Variants in STAG1 observed in about 807,000 individuals in gnomAD.
The protein encoded by STAG1 is cohesin subunit SA-1.
A neutral mutation model predicts 170.9 loss-of-function variants in STAG1; 26 were observed. The ratio of observed to expected loss-of-function variants is 0.15; its 90% CI spans 0.11 to 0.21. STAG1 has a LOEUF of 0.21. STAG1 is among the 10% of genes least tolerant of loss of function. The pLI is 1.00. For missense variants in STAG1, 964 were observed against 1,509.5 expected, an observed-to-expected ratio of 0.64 and a Z score of 5.99; for synonymous variants, 514 against 497.7, an observed-to-expected ratio of 1.03 and a Z score of -0.44.
At chr3:136,728,062 G>C (rs1021124908) in intron 1 of STAG1, among the ~76,000 whole-genome samples, 1 of 152,108 alleles carries the variant, frequency 6.6e-6, no homozygotes, top group Non-Finnish European at 1.5e-5. Context: ...GGGAGGCTGA[G>C]ACAGGGGAGC....
rs117299673 is a variant in STAG1 at position 136,716,373 on chromosome 3, G to C, written c.-84+35822C>G. ...AGCTACTCGGGAGGCTGAGACAGTAGAATTATTTGAACCCTACAGGCAGCG... is the reference window on the plus strand; with the variant it reads ...AGCTACTCGGGAGGCTGAGACAGTACAATTATTTGAACCCTACAGGCAGCG... On this transcript the variant is annotated intron_variant, in intron 1 of 33. Coordinates refer to ENST00000383202, the MANE Select transcript of STAG1 (RefSeq NM_005862.3). 5.3e-5 allele frequency among the ~76,000 whole-genome samples: 8 copies of C among 151,984 alleles called. No homozygotes were observed. In the East Asian group the frequency reaches 1.6e-3, roughly 29 times the overall value.
chr3:136,357,661 A>C (rs1036708826), intron 28 of STAG1, 59 bp downstream of exon 28: 29 of 1,417,100 alleles, frequency 2.0e-5, no homozygotes, highest in Non-Finnish European at 2.7e-5. Flanking sequence ...TTTTTCAAAA[A>C]ATAAACATTT....
At chr3:136,443,607 A>G (rs754996471) in intron 14 of STAG1, among the ~76,000 whole-genome samples, 6 of 152,204 alleles carry the variant, frequency 3.9e-5, no homozygotes, top group Non-Finnish European at 8.8e-5. Context: ...TTTACCATTT[A>G]CAGTAGTAAA....
At chr3:136,484,344 G>A (rs2089955718) in intron 9 of STAG1, among the ~76,000 whole-genome samples, 2 of 148,356 alleles carry the variant, frequency 1.3e-5, no homozygotes, top group Admixed American at 6.7e-5. Flanking sequence ...GCCGTGTGAG[G>A]TGTCAGTGTG....
At chr3:136,697,684 T>C (rs1250380165) in intron 1 of STAG1, among the ~76,000 whole-genome samples, 1 of 152,348 alleles carries the variant, frequency 6.6e-6, no homozygotes, top group Middle Eastern at 3.4e-3. Context: ...TCTGCTATAA[T>C]GCAATGTACT....
intron 13 of STAG1, among the ~76,000 whole-genome samples, chr3:136,456,846 T>C (rs554708499): frequency 6.6e-6 from 1 of 152,346 alleles, no homozygotes; most frequent in South Asian, 2.1e-4. Flanking sequence ...CAGGATAGAC[T>C]GGGATGCTAT....
chr3:136,381,793 T>C (rs1033996811), intron 22 of STAG1, among the ~76,000 whole-genome samples: 1 of 152,188 alleles, frequency 6.6e-6, no homozygotes, highest in Non-Finnish European at 1.5e-5. Flanking sequence ...AGAAAAATTA[T>C]TTTACATCTC....
intron 14 of STAG1, among the ~76,000 whole-genome samples, chr3:136,449,332 A>C (rs1332334652): frequency 6.6e-6 from 1 of 152,170 alleles, no homozygotes; most frequent in African/African-American, 2.4e-5. Context: ...AGGCCGAGGC[A>C]GGTGGACCAC....
intron 7 of STAG1, among the ~76,000 whole-genome samples, chr3:136,506,738 G>C (rs1933789197): frequency 2.0e-5 from 3 of 151,788 alleles, no homozygotes; most frequent in Admixed American, 1.3e-4. Flanking sequence ...TAAATGGAAA[G>C]GGCAAAGATA....
intron 1 of STAG1, among the ~76,000 whole-genome samples, chr3:136,683,998 A>T (rs1267880112): frequency 1.3e-5 from 2 of 152,236 alleles, no homozygotes; most frequent in Non-Finnish European, 2.9e-5. Flanking sequence ...ATATATGAGG[A>T]AATGTATAAA....
chr3:136,449,985 C>T (rs112291461), intron 14 of STAG1, among the ~76,000 whole-genome samples: 7 of 149,216 alleles, frequency 4.7e-5, no homozygotes, highest in African/African-American at 1.5e-4. Context: ...GCCTGTGCAA[C>T]TCCTGGGCTC....
intron 1 of STAG1, among the ~76,000 whole-genome samples, chr3:136,669,700 G>A (rs369693643): frequency 6.6e-6 from 1 of 151,874 alleles, no homozygotes; most frequent in African/African-American, 2.4e-5. Context: ...ACAAGACTTC[G>A]GTGATAAAAA....
intron 28 of STAG1, among the ~76,000 whole-genome samples, chr3:136,357,066 C>G (rs961223732): frequency 6.6e-6 from 1 of 151,940 alleles, no homozygotes; most frequent in South Asian, 2.1e-4. Flanking sequence ...TCCTGCCTCA[C>G]CCTCCTGAGT....
At chr3:136,576,582 G>A (rs1051642054) in intron 4 of STAG1, among the ~76,000 whole-genome samples, 6 of 152,130 alleles carry the variant, frequency 3.9e-5, no homozygotes, top group Non-Finnish European at 2.9e-5. Context: ...ATATGAGGTA[G>A]TTAAAAAATA....
intron 22 of STAG1, among the ~76,000 whole-genome samples, chr3:136,383,909 C>T (rs1236949756): frequency 2.0e-5 from 3 of 147,172 alleles, no homozygotes; most frequent in Non-Finnish European, 4.5e-5. Context: ...GAGCCGAGAT[C>T]GCACCACTGC....
chr3:136,463,756 T>C (rs1159361954), intron 13 of STAG1, among the ~76,000 whole-genome samples: 8 of 85,482 alleles, frequency 9.4e-5, no homozygotes, highest in Non-Finnish European at 1.5e-4. Flanking sequence ...TGTGTGTGTG[T>C]GTGTGTGTGT....
intron 6 of STAG1, among the ~76,000 whole-genome samples, chr3:136,537,040 A>T (rs1436385212): frequency 6.6e-6 from 1 of 152,172 alleles, no homozygotes; most frequent in Non-Finnish European, 1.5e-5. Flanking sequence ...ACATTTTTGC[A>T]TATTACAAAT....
At chr3:136,417,746 T>C (rs2087815288) in intron 21 of STAG1, 139 bp downstream of exon 21, 2 of 657,462 alleles carry the variant, frequency 3.0e-6, no homozygotes, top group Non-Finnish European at 5.3e-6. Context: ...ATTTAATTAC[T>C]ACAGCAATAA....
chr3:136,714,250 C>T (rs1431021845), intron 1 of STAG1, among the ~76,000 whole-genome samples: 1 of 152,028 alleles, frequency 6.6e-6, no homozygotes, highest in Non-Finnish European at 1.5e-5. Context: ...AACAGAACGT[C>T]AAACCACAGT....
Sources: allele counts gnomAD v4.1 joint callset (sites outside exome capture counted in the v4.1 genomes callset), GRCh38; gene constraint gnomAD v4.1.1; transcripts MANE v1.5; gene names NCBI Gene and HGNC (gene_info 2026-07-23, HGNC 2026-07-21).